Variants in SNTB1 observed in about 807,000 individuals in gnomAD.
SNTB1 encodes the protein beta-1-syntrophin.
SNTB1 carries 36 observed loss-of-function variants against 48.9 expected under a neutral mutation model. That is an observed-to-expected ratio of 0.74 (90% CI 0.56 to 0.97). The LOEUF is 0.97. SNTB1 is among the 50% of genes least tolerant of loss of function. The pLI, the probability that SNTB1 is intolerant of heterozygous loss-of-function variation, is 0.00. For synonymous variants in SNTB1, 299 were observed against 294.6 expected, an observed-to-expected ratio of 1.01 and a Z score of -0.15; for missense variants, 786 against 703.4, an observed-to-expected ratio of 1.12 and a Z score of -1.33.
chr8:120,750,220 C>T (rs1016832914), intron 1 of SNTB1, among the ~76,000 whole-genome samples: 5 of 146,934 alleles, frequency 3.4e-5, no homozygotes, highest in South Asian at 2.2e-4. Flanking sequence ...TTTACTTATT[C>T]CCTTAAACCT....
chr8:120,792,209 A>G (rs543832992), intron 1 of SNTB1, among the ~76,000 whole-genome samples: 1 of 152,002 alleles, frequency 6.6e-6, no homozygotes. Flanking sequence ...AGCAACTTGG[A>G]TGAGACGAGA....
At chr8:120,745,124 T>C (rs1162824742) in intron 1 of SNTB1, among the ~76,000 whole-genome samples, 3 of 133,002 alleles carry the variant, frequency 2.3e-5, no homozygotes. Flanking sequence ...TTATTTTAAC[T>C]GTCCTGCCCA....
intron 3 of SNTB1, among the ~76,000 whole-genome samples, chr8:120,587,947 C>T (rs1816175651): frequency 1.3e-5 from 2 of 152,114 alleles, no homozygotes; most frequent in Admixed American, 6.5e-5. Context: ...ACTTTACTTC[C>T]TTAACTTTCA....
intron 2 of SNTB1, among the ~76,000 whole-genome samples, chr8:120,693,342 T>C (rs1224592990): frequency 1.3e-5 from 2 of 152,180 alleles, no homozygotes; most frequent in Admixed American, 1.3e-4. Context: ...AAACAAGGCA[T>C]CTATTTCAAT....
At chr8:120,791,789 T>C (rs776539163) in intron 1 of SNTB1, among the ~76,000 whole-genome samples, 1 of 151,846 alleles carries the variant, frequency 6.6e-6, no homozygotes, top group Non-Finnish European at 1.5e-5. Context: ...ATTAAAAATT[T>C]TTTAAAACCC....
At chr8:120,791,965 A>G (rs1416863624) in intron 1 of SNTB1, among the ~76,000 whole-genome samples, 1 of 151,934 alleles carries the variant, frequency 6.6e-6, no homozygotes, top group Admixed American at 6.6e-5. Context: ...AAAGGAAAAC[A>G]TTAACTATAT....
At chr8:120,557,937 G>A (rs1437564541) in intron 4 of SNTB1, among the ~76,000 whole-genome samples, 1 of 152,218 alleles carries the variant, frequency 6.6e-6, no homozygotes, top group African/African-American at 2.4e-5. Context: ...GCCTCCTAAT[G>A]TGCTCTTTAT....
intron 1 of SNTB1, among the ~76,000 whole-genome samples, chr8:120,778,540 A>C (rs1819776911): frequency 6.6e-6 from 1 of 152,238 alleles, no homozygotes; most frequent in Non-Finnish European, 1.5e-5. Flanking sequence ...TTTTAGGATG[A>C]GAATGGAGGT....
At chr8:120,640,528 C>A (rs1380772112) in intron 2 of SNTB1, among the ~76,000 whole-genome samples, 1 of 152,062 alleles carries the variant, frequency 6.6e-6, no homozygotes, top group Non-Finnish European at 1.5e-5. Flanking sequence ...TCATAAATAG[C>A]TCTTATTATT....
At chr8:120,718,875 C>A (rs1278625498) in intron 1 of SNTB1, among the ~76,000 whole-genome samples, 3 of 152,082 alleles carry the variant, frequency 2.0e-5, no homozygotes, top group Admixed American at 6.6e-5. Flanking sequence ...TACACACACA[C>A]AAAAAGGAAA....
intron 1 of SNTB1, among the ~76,000 whole-genome samples, chr8:120,780,310 A>G (rs1031490473): frequency 6.6e-6 from 1 of 152,182 alleles, no homozygotes; most frequent in Admixed American, 6.5e-5. Context: ...TTTAATATTT[A>G]TCTGTGACTA....
At chr8:120,547,200 C>T (rs918314702) in intron 5 of SNTB1, among the ~76,000 whole-genome samples, 3 of 152,194 alleles carry the variant, frequency 2.0e-5, no homozygotes, top group Non-Finnish European at 4.4e-5. Flanking sequence ...TTCTTCAAAA[C>T]AATGAAACAA....
At chr8:120,664,408 A>G (rs1456192225) in intron 2 of SNTB1, among the ~76,000 whole-genome samples, 5 of 152,240 alleles carry the variant, frequency 3.3e-5, no homozygotes, top group African/African-American at 7.2e-5. Flanking sequence ...AATAAATTGG[A>G]CATACTTTAA....
chr8:120,715,931 T>C (rs1195034920), intron 1 of SNTB1, among the ~76,000 whole-genome samples: 1 of 152,194 alleles, frequency 6.6e-6, no homozygotes, highest in Non-Finnish European at 1.5e-5. Flanking sequence ...AACCAGCTGA[T>C]ATCAATCTGC....
At chr8:120,629,956 G>C (rs1816953515) in intron 3 of SNTB1, among the ~76,000 whole-genome samples, 1 of 152,190 alleles carries the variant, frequency 6.6e-6, no homozygotes, top group Non-Finnish European at 1.5e-5. Flanking sequence ...TAAGCAAAAG[G>C]CATGAGACAA....
At position 120,734,315 on chromosome 8, in the gene SNTB1, C is replaced by T. The variant is rs553511387; in HGVS notation, c.572-40407G>A. 2.6e-5 allele frequency among the ~76,000 whole-genome samples: 4 copies of T among 152,066 alleles called. No individual in the cohort carries two copies. In the South Asian group the frequency reaches 8.3e-4, roughly 32 times the overall value. On this transcript the variant is annotated intron_variant, in intron 1 of 6. Transcript: ENST00000517992. ...AAAAAATTATAGCCAGGCATGGTGG[C>T]AGGCACCTGTAATCCCAGCTACTCA...
At position 120,743,434 on chromosome 8, in the gene SNTB1, A is replaced by G. The variant is rs999938271; in HGVS notation, c.572-49526T>C. Among the ~76,000 whole-genome samples, 8 of 152,308 alleles carry G rather than the reference A, an allele frequency of 5.3e-5. No individual in the cohort carries two copies. The East Asian group carries it at 1.5e-3, about 29-fold the overall frequency. On this transcript the variant is annotated intron_variant, in intron 1 of 6. Coordinates refer to ENST00000517992, the MANE Select transcript of SNTB1 (RefSeq NM_021021.4). ...GCCAGCATTACTCATGTTAACTGAT[A>G]TCCGCAATGCAGGCAGGAGTGATCG...
chr8:120,700,130 C>A (rs1818280711), intron 1 of SNTB1, among the ~76,000 whole-genome samples: 1 of 150,900 alleles, frequency 6.6e-6, no homozygotes, highest in African/African-American at 2.5e-5. Context: ...GGAAGCAATA[C>A]TGATTCTCGC....
At chr8:120,640,692 C>G (rs370852595) in intron 2 of SNTB1, among the ~76,000 whole-genome samples, 35 of 152,162 alleles carry the variant, frequency 2.3e-4, no homozygotes, top group African/African-American at 8.2e-4. Flanking sequence ...TATTGATTTG[C>G]GTATGTTGAA....
Sources: gnomAD v4.1 joint callset for allele counts (sites outside exome capture counted in the v4.1 genomes callset) on GRCh38, gnomAD v4.1.1 for gene constraint, MANE v1.5 for transcripts, NCBI Gene and HGNC (gene_info 2026-07-23, HGNC 2026-07-21) for gene names.